The following SEH1L variants were observed in gnomAD, a reference collection of about 807,000 sequenced individuals.
The protein encoded by SEH1L is SEH1 like nucleoporin, also known as nucleoporin SEH1.
Under a neutral mutation model 49.5 loss-of-function variants are expected in SEH1L, and 18 were observed. The observed-to-expected ratio is 0.36, with a 90% CI of 0.25 to 0.54. SEH1L has a LOEUF of 0.54. Among genes scored for constraint, SEH1L ranks in the 20% least tolerant of loss-of-function variants. SEH1L has a pLI of 0.87. For synonymous variants in SEH1L, 169 were observed against 178.1 expected, an observed-to-expected ratio of 0.95 and a Z score of 0.41; for missense variants, 404 against 528.8, an observed-to-expected ratio of 0.76 and a Z score of 2.31.
At chr18:12,969,211 GCCCCCCCC>G (rs112516463) in intron 4 of SEH1L, among the ~76,000 whole-genome samples, 3 of 55,076 alleles carry the variant, frequency 5.4e-5, no homozygotes, top group Non-Finnish European at 9.3e-5. Flanking sequence ...CTCTGTACCC[GCCCCCCCC>G]CCCCCCCCCA....
At chr18:12,976,426 G>T (rs777430821) in intron 5 of SEH1L, 8 of 152,464 alleles carry the variant, frequency 5.2e-5, no homozygotes, top group Non-Finnish European at 8.8e-5. Context: ...CCACCAGGAG[G>T]TGCGGGTCAT....
chr18:12,954,597 G>T (rs903762537), intron 2 of SEH1L, among the ~76,000 whole-genome samples: 4 of 152,024 alleles, frequency 2.6e-5, no homozygotes, highest in Non-Finnish European at 5.9e-5. Flanking sequence ...CTCCCAAGCA[G>T]CTGGGACCGT....
chr18:12,986,659 CTT>C (rs1445978409), intron 8 of SEH1L: 24 of 1,207,346 alleles, frequency 2.0e-5, no homozygotes, highest in Non-Finnish European at 2.4e-5. Flanking sequence ...CTTAAGCAAT[CTT>C]GATTTGAGTA....
intron 1 of SEH1L, among the ~76,000 whole-genome samples, chr18:12,950,820 G>A (rs1467482520): frequency 6.6e-6 from 1 of 152,022 alleles, no homozygotes; most frequent in Non-Finnish European, 1.5e-5. Flanking sequence ...GGGTAATAAG[G>A]TTTAATTTTT....
chr18:12,962,592 G>A (rs931584751), intron 3 of SEH1L, among the ~76,000 whole-genome samples: 2 of 145,628 alleles, frequency 1.4e-5, no homozygotes, highest in Non-Finnish European at 3.0e-5. Flanking sequence ...CTCAGCCTCC[G>A]GAATAGCTGG....
chr18:12,959,925 C>T (rs1036532931), intron 3 of SEH1L, among the ~76,000 whole-genome samples: 9 of 152,028 alleles, frequency 5.9e-5, no homozygotes, highest in Non-Finnish European at 1.2e-4. Context: ...AAGGTTTATT[C>T]GATTTGGCTA....
At chr18:12,975,054 G>A (rs2031861519) in intron 5 of SEH1L, among the ~76,000 whole-genome samples, 1 of 151,644 alleles carries the variant, frequency 6.6e-6, no homozygotes, top group East Asian at 1.9e-4. Context: ...GTGCAATGGT[G>A]TGATCTCGGC....
At chr18:12,981,234 A>C (rs376823500) in intron 6 of SEH1L, among the ~76,000 whole-genome samples, 17,793 of 150,974 alleles carry the variant, frequency 0.12, 1,445 homozygotes, top group African/African-American at 0.23. Context: ...GCAGCCAGGC[A>C]GAGAGGCTCC....
In SEH1L at chr18:12,971,195, CAGT is replaced by C; in HGVS notation, c.567_569del (p.Ser190del). The stretch of plus-strand genomic sequence containing the variant: ...CCATGATCGCCGTAGGAAGTGATGA[CAGT>C]AGCCCCAACGCAATGGCCAAGGTTC... On this transcript the variant is annotated inframe_deletion, in exon 5 of 9. Coordinates refer to ENST00000399892, the MANE Select transcript of SEH1L (RefSeq NM_001013437.2). 6.2e-7 allele frequency: 1 copy of C among 1,613,964 alleles called. No individual in the cohort carries two copies. Among genetic ancestry groups the C allele is most frequent in the Non-Finnish European group, 8.5e-7 (1 of 1,179,848 alleles).
intron 2 of SEH1L, among the ~76,000 whole-genome samples, chr18:12,954,786 G>A (rs1387634465): frequency 6.6e-6 from 1 of 152,178 alleles, no homozygotes; most frequent in South Asian, 2.1e-4. Flanking sequence ...TGAAAAAAAA[G>A]TATTTTTTTG....
Position 12,948,226 on chromosome 18 carries a change from C to A in SEH1L, c.105C>A (p.Ser35Arg). The change falls in exon 1 of 9, where the codon AGC becomes AGA. Residue 35 changes from serine (S) to arginine (R), a missense_variant. Ser to Arg is a moderately radical substitution (Grantham distance 110). This residue lies in a region of SEH1L where 57 missense variants were observed against 71.9 expected (regional missense o/e 0.79). Coordinates refer to ENST00000399892, the MANE Select transcript of SEH1L (RefSeq NM_001013437.2). ...RRMATCSSDQ[S>R]VKVWDKSESG... Reference sequence around the variant, plus strand: ...TGGCAACCTGCTCCAGCGATCAGAGCGTTAAGGTGCGCGCGGCGCTTGCGG... The same window carrying A: ...TGGCAACCTGCTCCAGCGATCAGAGAGTTAAGGTGCGCGCGGCGCTTGCGG... 1.2e-6 allele frequency: 2 copies of A among 1,610,170 alleles called. No individual in the cohort carries two copies. Among genetic ancestry groups the A allele is most frequent in the South Asian group, 2.2e-5 (2 of 90,934 alleles).
intron 1 of SEH1L, chr18:12,948,505 G>A: frequency 3.6e-6 from 1 of 281,066 alleles, no homozygotes; most frequent in East Asian, 6.5e-5. Flanking sequence ...CCCAGGCCGC[G>A]CTGCCGGGGC....
intron 3 of SEH1L, among the ~76,000 whole-genome samples, chr18:12,959,650 C>A (rs886838498): frequency 2.0e-5 from 3 of 152,132 alleles, no homozygotes; most frequent in Admixed American, 2.0e-4. Flanking sequence ...TATTTTCTCC[C>A]GTTCTGTGGG....
chr18:12,958,522 C>G (rs2031014726), intron 3 of SEH1L, among the ~76,000 whole-genome samples: 2 of 152,078 alleles, frequency 1.3e-5, no homozygotes, highest in African/African-American at 4.8e-5. Context: ...GAATGCCTCC[C>G]CCTTCCTCCT....
At position 12,971,158 on chromosome 18, in the gene SEH1L, G is replaced by A. The variant is rs767376115; in HGVS notation, c.527G>A (p.Arg176His). 10 of 1,610,774 alleles carry A rather than the reference G, an allele frequency of 6.2e-6. No homozygotes were observed. The highest frequency in any genetic ancestry group is 5.0e-5 in the Admixed American group (3 of 59,958). The change falls in exon 5 of 9, where the codon CGT becomes CAT. Residue 176 changes from arginine (R) to histidine (H), a missense_variant. This residue lies in a region of SEH1L where 342 missense variants were observed against 430.8 expected (regional missense o/e 0.79). Coordinates refer to ENST00000399892, the MANE Select transcript of SEH1L (RefSeq NM_001013437.2). ...TTCTTTCTCCCCGTTTCTAGCTCTC[G>A]TGCTCATTCCCCCATGATCGCCGTA... is the stretch of plus-strand genomic sequence containing the variant. The part of the protein sequence containing the change: ...SCISWNPSSS[R>H]AHSPMIAVGS...
intron 4 of SEH1L, among the ~76,000 whole-genome samples, chr18:12,965,074 C>T (rs1392427297): frequency 2.7e-5 from 3 of 112,298 alleles, no homozygotes; most frequent in Non-Finnish European, 4.9e-5. Context: ...AGTGCAGTGG[C>T]GCAATCTAGG....
rs553939187 is a variant in SEH1L at position 12,973,885 on chromosome 18, C to T, written c.620+2634C>T. 628 of 152,272 alleles carry T rather than the reference C, an allele frequency of 4.1e-3. 2 individuals are homozygous for T. Among genetic ancestry groups the T allele is most frequent in the Non-Finnish European group, 6.6e-3 (448 of 68,032 alleles). The allele number at this position is 152,272 out of a possible 1,614,324, so 9.4% of individuals were successfully genotyped here. Reference sequence around the variant, plus strand: ...GCTCCCTCTTATGATCACAAAAGAGCTGCACAATGTCAGGTTTTACATGCT... The same window carrying T: ...GCTCCCTCTTATGATCACAAAAGAGTTGCACAATGTCAGGTTTTACATGCT... On this transcript the variant is annotated intron_variant, in intron 5 of 8. Transcript: ENST00000399892.
In SEH1L at chr18:12,948,166, C is replaced by G. The variant is rs372573953; in HGVS notation, c.45C>G (p.Ile15Met). 2 of 1,611,564 alleles carry G rather than the reference C, an allele frequency of 1.2e-6. No individual in the cohort carries two copies. Among genetic ancestry groups the G allele is most frequent in the African/African-American group, 1.3e-5 (1 of 74,578 alleles). ...RSIAADHKDLIHDVSFDFHGR... is the reference protein window; with the variant it reads ...RSIAADHKDLMHDVSFDFHGR... Reference sequence around the variant, plus strand: ...TCGCGGCGGACCACAAGGATCTCATCCACGATGTCTCTTTCGACTTCCACG... The same window carrying G: ...TCGCGGCGGACCACAAGGATCTCATGCACGATGTCTCTTTCGACTTCCACG... Residue 15 changes from isoleucine (I) to methionine (M), a missense_variant, in exon 1 of 9, where the codon ATC (isoleucine) becomes ATG (methionine). Transcript: ENST00000399892.
intron 6 of SEH1L, among the ~76,000 whole-genome samples, chr18:12,979,855 C>T (rs1598976054): frequency 2.2e-5 from 3 of 138,746 alleles, no homozygotes; most frequent in Non-Finnish European, 4.7e-5. Flanking sequence ...CCGAATGGGG[C>T]GGCTGGCCGG....
Sources: gnomAD v4.1 joint callset for allele counts (sites outside exome capture counted in the v4.1 genomes callset) on GRCh38, gnomAD v4.1.1 for gene constraint, gnomAD v4.1.1 regional missense constraint, MANE v1.5 for transcripts, NCBI Gene and HGNC (gene_info 2026-07-23, HGNC 2026-07-21) for gene names.